Variants in PIK3CA observed in about 807,000 individuals in gnomAD.
The protein encoded by PIK3CA is phosphatidylinositol 4,5-bisphosphate 3-kinase catalytic subunit alpha isoform.
In PIK3CA, 27 loss-of-function variants were observed where a neutral mutation model predicts 138.2. The ratio of observed to expected loss-of-function variants is 0.20; its 90% CI spans 0.14 to 0.27. PIK3CA has a LOEUF of 0.27. Among genes scored for constraint, PIK3CA ranks in the 10% least tolerant of loss-of-function variants. PIK3CA has a pLI of 1.00. For synonymous variants in PIK3CA, 358 were observed against 413.2 expected (o/e 0.87, Z 1.62); for missense variants, 544 against 1,277.4 (o/e 0.43, Z 8.75).
At chr3:179,175,635 C>T (rs1723677850) in intron 1 of PIK3CA, among the ~76,000 whole-genome samples, 1 of 152,044 alleles carries the variant, frequency 6.6e-6, no homozygotes, top group African/African-American at 2.4e-5. Flanking sequence ...TTACCATTCC[C>T]TCCTCTTACT....
In PIK3CA at chr3:179,234,591, G is replaced by A. The variant is rs968475425; in HGVS notation, c.*227G>A. 1.4e-5 allele frequency: 5 copies of A among 357,164 alleles called. No homozygotes were observed. Among genetic ancestry groups the A allele is most frequent in the African/African-American group, 6.3e-5 (3 of 47,966 alleles). 22.1% of individuals were successfully genotyped at this position (357,164 alleles called of 1,614,324 possible). ...TCAAAATTAAGCTTTAGAATAATGC[G>A]CAATTTCATGTTATGCCTTAAGTCC... is the stretch of plus-strand genomic sequence containing the variant. On this transcript the variant is annotated 3_prime_UTR_variant, in exon 21 of 21. Coordinates refer to ENST00000263967, the MANE Select transcript of PIK3CA (RefSeq NM_006218.4). This position sits in a 1 kb window ranked among gnomAD's most constrained non-coding sequence, Gnocchi z 5.1.
intron 17 of PIK3CA, among the ~76,000 whole-genome samples, chr3:179,227,113 TTAAGA>T (rs1725100851): frequency 6.6e-6 from 1 of 152,082 alleles, no homozygotes; most frequent in Non-Finnish European, 1.5e-5. Context: ...GCATCTGAAG[TTAAGA>T]TGATTAGAAA....
rs2108394468 is a variant in PIK3CA at position 179,204,556 on chromosome 3, G to A, written c.1113G>A (p.Val371=). Residue 371 remains valine (V), a synonymous_variant, in exon 6 of 21, where the codon GTG becomes GTA. Coordinates refer to ENST00000263967, the MANE Select transcript of PIK3CA (RefSeq NM_006218.4). Reference sequence around the variant, plus strand: ...GAGGAGAACCCTTATGTGACAATGTGAACACTCAAAGAGTACCTTGTTCCA... The same window carrying A: ...GAGGAGAACCCTTATGTGACAATGTAAACACTCAAAGAGTACCTTGTTCCA... ...YHGGEPLCDN[V]NTQRVPCSNP... is the part of the protein sequence containing the mutation. The A allele has an allele frequency of 1.3e-6, 2 of 1,584,348 alleles. No homozygotes were observed. The highest frequency in any genetic ancestry group is 1.7e-6 in the Non-Finnish European group (2 of 1,153,260).
chr3:179,188,049 G>T (rs185602067), intron 1 of PIK3CA, among the ~76,000 whole-genome samples: 1 of 152,226 alleles, frequency 6.6e-6, no homozygotes, highest in Non-Finnish European at 1.5e-5. Flanking sequence ...GAATTGGAGA[G>T]TTCTCCCTAG....
At chr3:179,208,615 TG>T (rs972452973) in intron 6 of PIK3CA, among the ~76,000 whole-genome samples, 1 of 152,150 alleles carries the variant, frequency 6.6e-6, no homozygotes, top group African/African-American at 2.4e-5. Context: ...AATACAAAAC[TG>T]TTTATTGTAT....
chr3:179,229,964 T>C (rs2108423835), intron 18 of PIK3CA, 40 bp from the exon 19 acceptor site: 1 of 1,363,942 alleles, frequency 7.3e-7, no homozygotes, highest in Non-Finnish European at 1.0e-6. Context: ...CCTGAATCAC[T>C]ATATTTCCAT....
chr3:179,221,148 A>C lies in PIK3CA; in HGVS notation c.2178A>C (p.Glu726Asp). Reference protein sequence around the residue: ...TDILKQEKKDETQKVQMKFLV... With the variant: ...TDILKQEKKDDTQKVQMKFLV... ...TTCTCAAACAGGAGAAGAAGGATGA[A>C]ACACAAAAGGTGTGTGACTCTAGTT... The change falls in exon 14 of 21, where the codon GAA (glutamate) becomes GAC (aspartate). Residue 726 changes from glutamate (E) to aspartate (D), a missense_variant. Physicochemically the swap from Glu to Asp is conservative, Grantham distance 45 (BLOSUM62 2). Coordinates refer to ENST00000263967, the MANE Select transcript of PIK3CA (RefSeq NM_006218.4). The C allele has an allele frequency of 6.2e-7, 1 of 1,612,310 alleles. No individual in the cohort carries two copies. The highest frequency in any genetic ancestry group is 8.5e-7 in the Non-Finnish European group (1 of 1,178,690).
chr3:179,154,796 A>G (rs779626019), intron 1 of PIK3CA, among the ~76,000 whole-genome samples: 1 of 152,174 alleles, frequency 6.6e-6, no homozygotes, highest in Non-Finnish European at 1.5e-5. Flanking sequence ...TGGCCTGACA[A>G]TGTACTCATT....
chr3:179,216,878 G>A (rs1189523579), intron 9 of PIK3CA, among the ~76,000 whole-genome samples: 15 of 151,978 alleles, frequency 9.9e-5, no homozygotes, highest in Non-Finnish European at 1.5e-4. Flanking sequence ...CGAGGATTGA[G>A]TATGTATTAT....
chr3:179,215,511 A>G (rs1020455248), intron 9 of PIK3CA, among the ~76,000 whole-genome samples: 3 of 151,978 alleles, frequency 2.0e-5, no homozygotes, highest in Admixed American at 2.0e-4. Context: ...ATTATTTCCA[A>G]CTATGCTAAA....
chr3:179,183,618 A>G (rs968997747), intron 1 of PIK3CA, among the ~76,000 whole-genome samples: 3 of 152,188 alleles, frequency 2.0e-5, no homozygotes, highest in African/African-American at 2.4e-5. Flanking sequence ...CTTTATATCT[A>G]TTTGTAAGAA....
At chr3:179,227,881 T>C (rs1207227906) in intron 17 of PIK3CA, among the ~76,000 whole-genome samples, 1 of 152,060 alleles carries the variant, frequency 6.6e-6, no homozygotes, top group Non-Finnish European at 1.5e-5. Flanking sequence ...AGAGGTACCC[T>C]AAAAAGCATT....
Position 179,199,903 on chromosome 3 carries a change from A to G in PIK3CA, c.562+4A>G. On this transcript the variant is annotated splice_donor_region_variant and intron_variant, in intron 3 of 20. Transcript: ENST00000263967. ...ATATATAATAAATTAGATAAAGGTAAGAAAATGACTAATCTACTCTAATCA... is the reference window on the plus strand; with the variant it reads ...ATATATAATAAATTAGATAAAGGTAGGAAAATGACTAATCTACTCTAATCA... 1 of 1,511,320 alleles carries G rather than the reference A, an allele frequency of 6.6e-7. No individual in the cohort carries two copies. 93.6% of individuals were successfully genotyped at this position (1,511,320 alleles called of 1,614,324 possible).
intron 1 of PIK3CA, among the ~76,000 whole-genome samples, chr3:179,175,093 G>C (rs1174710741): frequency 1.3e-5 from 2 of 152,152 alleles, no homozygotes; most frequent in Non-Finnish European, 2.9e-5. Context: ...CCTGCTTCCT[G>C]TGTTGAAGCA....
chr3:179,166,425 G>T (rs1041631087), intron 1 of PIK3CA, among the ~76,000 whole-genome samples: 2 of 151,990 alleles, frequency 1.3e-5, no homozygotes, highest in African/African-American at 4.8e-5. Context: ...ATCATTTTAT[G>T]GGTAAAGGTG....
chr3:179,203,851 C>A lies in PIK3CA; in HGVS notation c.1059+62C>A, dbSNP rs2699895. On this transcript the variant is annotated intron_variant, in intron 5 of 20. Transcript: ENST00000263967. ...ATTATTTTAGATAACCTTTTTCTTG[C>A]ACTATACAGTAATCTGTTGACCTGT... The A allele has an allele frequency of 0.53, 646,841 of 1,222,966 alleles. 175,351 individuals are homozygous for A. The highest frequency in any genetic ancestry group is 0.77 in the African/African-American group (50,946 of 66,396). 75.8% of individuals were successfully genotyped at this position (1,222,966 alleles called of 1,614,324 possible). A position where few individuals can be genotyped will look rare whatever the true frequency, so the allele number is the denominator to read the frequency against.
chr3:179,158,205 C>T (rs752156831), intron 1 of PIK3CA, among the ~76,000 whole-genome samples: 1 of 151,936 alleles, frequency 6.6e-6, no homozygotes, highest in African/African-American at 2.4e-5. Context: ...GCTTTTTATT[C>T]GTTAAAACTT....
At chr3:179,189,183 C>T (rs957165456) in intron 1 of PIK3CA, among the ~76,000 whole-genome samples, 9 of 151,942 alleles carry the variant, frequency 5.9e-5, no homozygotes, top group South Asian at 4.2e-4. Context: ...CACTGCACTC[C>T]AGCCTGCGTG....
rs1725353522 is a variant in PIK3CA, at chr3:179,237,380, T to A, written c.*3016T>A. On this transcript the variant is annotated 3_prime_UTR_variant, in exon 21 of 21. Coordinates refer to ENST00000263967, the MANE Select transcript of PIK3CA (RefSeq NM_006218.4). ...TATTCTGCTTTATATTAAAAGCCCA[T>A]TAGAAAATGGGAACCTGGTGAATAT... The A allele has an allele frequency of 5.1e-6, 1 of 195,164 alleles. No homozygotes were observed. The highest frequency in any genetic ancestry group is 2.3e-5 in the African/African-American group (1 of 43,236). 12.1% of individuals were successfully genotyped at this position (195,164 alleles called of 1,614,324 possible). A position where few individuals can be genotyped will look rare whatever the true frequency, so the allele number is the denominator to read the frequency against.
Sources: allele counts gnomAD v4.1 joint callset (sites outside exome capture counted in the v4.1 genomes callset), GRCh38; gene constraint gnomAD v4.1.1; non-coding constraint Gnocchi (gnomAD v3.1); transcripts MANE v1.5; gene names NCBI Gene and HGNC (gene_info 2026-07-23, HGNC 2026-07-21).